Variants in PAX7 observed in about 807,000 individuals in gnomAD.
PAX7 encodes paired box 7.
A neutral mutation model predicts 50.7 loss-of-function variants in PAX7; 18 were observed. The ratio of observed to expected loss-of-function variants is 0.36; its 90% CI spans 0.25 to 0.53. The LOEUF is 0.53. Ranked by LOEUF, PAX7 falls within the 20% of genes least tolerant of loss-of-function variation. PAX7 has a pLI of 0.93. For synonymous variants in PAX7, 310 were observed against 290.4 expected, an observed-to-expected ratio of 1.07 and a Z score of -0.69; for missense variants, 644 against 702.9, an observed-to-expected ratio of 0.92 and a Z score of 0.95.
Position 18,746,147 on chromosome 1 carries a change from A to G in PAX7, c.*1218A>G, listed in dbSNP as rs1931428340. 4.3e-6 allele frequency: 1 copy of G among 231,832 alleles called. No individual in the cohort carries two copies. Among genetic ancestry groups the G allele is most frequent in the African/African-American group, 2.2e-5 (1 of 45,248 alleles). The allele number at this position is 231,832 out of a possible 1,614,324, so 14.4% of individuals were successfully genotyped here. A position where few individuals can be genotyped will look rare whatever the true frequency, so the allele number is the denominator to read the frequency against. ...TGGGCAGGGATGGTTTGCCCCACAG[A>G]CAAGATGATCCCCCCTGGCATGTTG... is the stretch of plus-strand genomic sequence containing the variant. On this transcript the variant is annotated 3_prime_UTR_variant, in exon 9 of 9. Transcript: ENST00000420770.
rs753545803 is a variant in PAX7, at chr1:18,735,950, A to G, written c.1402+72A>G. The G allele has an allele frequency of 1.2e-5, 19 of 1,613,684 alleles. No individual in the cohort carries two copies. In the Admixed American group the frequency reaches 3.0e-4, roughly 25 times the overall value. ...CACCCCCAGGGCCTCCTGCTTGTTT[A>G]TGGAGAGCTACAAGGTGGTGTCAGG... is the stretch of plus-strand genomic sequence containing the variant. On this transcript the variant is annotated intron_variant, in intron 8 of 8. Coordinates refer to ENST00000420770, the MANE Select transcript of PAX7 (RefSeq NM_001135254.2). This position sits in a 1 kb window ranked among gnomAD's most constrained non-coding sequence, Gnocchi z 4.0.
At chr1:18,712,303 TCA>T (rs2100347654) in intron 7 of PAX7, among the ~76,000 whole-genome samples, 1 of 151,498 alleles carries the variant, frequency 6.6e-6, no homozygotes, top group South Asian at 2.1e-4. Context: ...TGGGAAACGC[TCA>T]GTTATTTCCC....
intron 7 of PAX7, among the ~76,000 whole-genome samples, chr1:18,720,938 C>T (rs765079370): frequency 2.6e-5 from 4 of 151,912 alleles, no homozygotes; most frequent in Non-Finnish European, 5.9e-5. Context: ...CTTGAGGGCT[C>T]GGAGGAGAGG....
At position 18,632,073 on chromosome 1, in the gene PAX7, C is replaced by A. The variant is rs188910023; in HGVS notation, c.85+385C>A. ...GCTCGCTGGCTGCCAGCTTTCTACTCTTGTTTTGAATTATTTTTTCCACCC... is the reference window on the plus strand; with the variant it reads ...GCTCGCTGGCTGCCAGCTTTCTACTATTGTTTTGAATTATTTTTTCCACCC... On this transcript the variant is annotated intron_variant, in intron 1 of 8. Coordinates refer to ENST00000420770, the MANE Select transcript of PAX7 (RefSeq NM_001135254.2). This position sits in a 1 kb window ranked among gnomAD's most constrained non-coding sequence, Gnocchi z 6.3. 9.9e-5 allele frequency among the ~76,000 whole-genome samples: 15 copies of A among 152,200 alleles called. No homozygotes were observed. Among genetic ancestry groups the A allele is most frequent in the African/African-American group, 3.6e-4 (15 of 41,542 alleles).
chr1:18,697,185 G>A (rs1416368031), intron 5 of PAX7, among the ~76,000 whole-genome samples: 1 of 152,198 alleles, frequency 6.6e-6, no homozygotes, highest in Non-Finnish European at 1.5e-5. Context: ...TACACAGATG[G>A]CATCAACTGT....
chr1:18,733,443 T>A (rs1435642751), intron 7 of PAX7, among the ~76,000 whole-genome samples: 1 of 152,128 alleles, frequency 6.6e-6, no homozygotes, highest in Non-Finnish European at 1.5e-5. Context: ...TTCCAGTGTG[T>A]CTTTGCCATC....
At chr1:18,708,983 A>G (rs993174148) in intron 7 of PAX7, among the ~76,000 whole-genome samples, 1 of 152,148 alleles carries the variant, frequency 6.6e-6, no homozygotes, top group Non-Finnish European at 1.5e-5. Context: ...AAGTTCTGCC[A>G]GTTTCGAGGG....
At position 18,747,985 on chromosome 1, in the gene PAX7, A is replaced by G. The variant is rs565908745; in HGVS notation, c.*3056A>G. On this transcript the variant is annotated 3_prime_UTR_variant, in exon 9 of 9. Coordinates refer to ENST00000420770, the MANE Select transcript of PAX7 (RefSeq NM_001135254.2). ...TCATTTGGTATTTCTCTCTTGCTAT[A>G]TAAAGAAAAAAAGAAGTGATGTGTA... The G allele has an allele frequency of 3.8e-4, 76 of 200,952 alleles. No homozygotes were observed. The South Asian group carries it at 0.011, about 28-fold the overall frequency. 12.4% of individuals were successfully genotyped at this position (200,952 alleles called of 1,614,324 possible).
At chr1:18,644,496 T>C (rs2088308175) in intron 4 of PAX7, among the ~76,000 whole-genome samples, 1 of 152,186 alleles carries the variant, frequency 6.6e-6, no homozygotes, top group Non-Finnish European at 1.5e-5. Flanking sequence ...CCTTGCCATT[T>C]ACATACTTAT....
chr1:18,684,831 G>C, intron 4 of PAX7, among the ~76,000 whole-genome samples: 1 of 152,190 alleles, frequency 6.6e-6, no homozygotes, highest in South Asian at 2.1e-4. Context: ...GCAGAAGCAG[G>C]GGTGGGAGGG....
intron 4 of PAX7, among the ~76,000 whole-genome samples, chr1:18,672,488 T>A (rs942747372): frequency 6.6e-6 from 1 of 151,998 alleles, no homozygotes; most frequent in African/African-American, 2.4e-5. Context: ...TGTCCTTCCA[T>A]GTCAATTTCA....
rs1051639583 is a variant in PAX7 at position 18,634,989 on chromosome 1, G to C, written c.322-122G>C. The C allele has an allele frequency of 1.2e-5, 15 of 1,236,320 alleles. No homozygotes were observed. In the African/African-American group the frequency reaches 2.1e-4, roughly 18 times the overall value. 76.6% of individuals were successfully genotyped at this position (1,236,320 alleles called of 1,614,324 possible). A position where few individuals can be genotyped will look rare whatever the true frequency, so the allele number is the denominator to read the frequency against. On this transcript the variant is annotated intron_variant, in intron 2 of 8. Coordinates refer to ENST00000420770, the MANE Select transcript of PAX7 (RefSeq NM_001135254.2). This position sits in a 1 kb window ranked among gnomAD's most constrained non-coding sequence, Gnocchi z 4.0. ...GATAAAGCCAATCTCTTGGGGGATG[G>C]GGGGACACAAGGTAACCAGAACCAC...
At position 18,631,577 on chromosome 1, in the gene PAX7, T is replaced by A. The variant is rs770017663; in HGVS notation, c.-27T>A. On this transcript the variant is annotated 5_prime_UTR_variant, in exon 1 of 9. It adds an upstream start codon to the 5' untranslated region. Transcript: ENST00000420770. ...GGACGGGAAGCGATTTTTGCCGACT[T>A]TGGATTCGTCCCCGGCGTGCGCAAG... The A allele has an allele frequency of 1.2e-6, 2 of 1,603,034 alleles. No homozygotes were observed. Among genetic ancestry groups the A allele is most frequent in the Non-Finnish European group, 1.7e-6 (2 of 1,173,870 alleles).
At chr1:18,679,374 G>T (rs1053849561) in intron 4 of PAX7, among the ~76,000 whole-genome samples, 1 of 152,226 alleles carries the variant, frequency 6.6e-6, no homozygotes, top group African/African-American at 2.4e-5. Context: ...GGAGGGTCCC[G>T]CAGGCTTGGC....
At chr1:18,707,495 T>C (rs1243877817) in intron 7 of PAX7, among the ~76,000 whole-genome samples, 1 of 146,670 alleles carries the variant, frequency 6.8e-6, no homozygotes, top group Non-Finnish European at 1.5e-5. Context: ...TCTCAGCTCA[T>C]TGCAACCTCT....
intron 7 of PAX7, among the ~76,000 whole-genome samples, chr1:18,733,689 A>C (rs542392516): frequency 6.6e-6 from 1 of 152,310 alleles, no homozygotes; most frequent in Admixed American, 6.5e-5. Flanking sequence ...CCCCAGAGCA[A>C]GGGACCCCAC....
At chr1:18,657,407 A>G (rs1473514586) in intron 4 of PAX7, among the ~76,000 whole-genome samples, 1 of 152,114 alleles carries the variant, frequency 6.6e-6, no homozygotes, top group African/African-American at 2.4e-5. Context: ...TCCATGAAAA[A>G]AAAAAAGCCT....
chr1:18,639,985 G>T (rs535407648), intron 4 of PAX7, among the ~76,000 whole-genome samples: 2 of 147,338 alleles, frequency 1.4e-5, no homozygotes, highest in African/African-American at 2.5e-5. Context: ...TTCTCCAGGG[G>T]ACGGGGCGGG....
At position 18,724,051 on chromosome 1, in the gene PAX7, C is replaced by G. The variant is rs1001512997; in HGVS notation, c.1156-11581C>G. On this transcript the variant is annotated intron_variant, in intron 7 of 8. Coordinates refer to ENST00000420770, the MANE Select transcript of PAX7 (RefSeq NM_001135254.2). ...TGCCCCCGCCACTCTCAATGGGGCC[C>G]AGGGTTCTCCCGGCTCAGGCCGCTG... Among the ~76,000 whole-genome samples the G allele has an allele frequency of 1.2e-4, 18 of 152,194 alleles. No individual in the cohort carries two copies. The East Asian group carries it at 3.5e-3, about 29-fold the overall frequency.
Sources: gnomAD v4.1 joint callset for allele counts (sites outside exome capture counted in the v4.1 genomes callset) on GRCh38, gnomAD v4.1.1 for gene constraint, Gnocchi (gnomAD v3.1) non-coding constraint, MANE v1.5 for transcripts, NCBI Gene and HGNC (gene_info 2026-07-23, HGNC 2026-07-21) for gene names.